The following PHF3 variants were observed in gnomAD, a reference collection of about 807,000 sequenced individuals.
The protein encoded by PHF3 is PHD finger protein 3.
A neutral mutation model predicts 178.4 loss-of-function variants in PHF3; 41 were observed. The ratio of observed to expected loss-of-function variants is 0.23; its 90% confidence interval spans 0.18 to 0.30. PHF3 has a LOEUF of 0.30. Ranked by LOEUF, PHF3 falls within the 10% of genes least tolerant of loss-of-function variation. The probability of loss-of-function intolerance (pLI) is 1.00; values close to 1 mark genes in which losing one functional copy is unlikely to be tolerated. For missense variants in PHF3, 2,346 were observed against 2,398.1 expected (o/e 0.98, Z 0.45); for synonymous variants, 842 against 800.5 (o/e 1.05, Z -0.88).
chr6:63,639,983 A>G (rs560761030), intron 1 of PHF3, among the ~76,000 whole-genome samples: 2 of 152,356 alleles, frequency 1.3e-5, no homozygotes, highest in Admixed American at 1.3e-4. Flanking sequence ...TGTGTTTGCC[A>G]GTTTCAACAT....
chr6:63,684,303 A>G lies in PHF3; in HGVS notation c.581A>G (p.His194Arg), dbSNP rs375092243. 18 of 1,613,916 alleles carry G rather than the reference A, an allele frequency of 1.1e-5. No individual in the cohort carries two copies. The African/African-American group carries it at 1.7e-4, about 16-fold the overall frequency. The stretch of plus-strand genomic sequence containing the variant: ...TGTATGTCACTGAAACCTGAGTACC[A>G]TAAGGAGAATAGAAGGTGCAGCCGA... The part of the protein sequence containing the change: ...EVCMSLKPEY[H>R]KENRRCSRNS... The change falls in exon 4 of 16, where the codon CAT becomes CGT. Residue 194 changes from histidine to arginine, a missense_variant. Coordinates refer to ENST00000262043, the MANE Select transcript of PHF3 (RefSeq NM_001370348.2).
intron 3 of PHF3, among the ~76,000 whole-genome samples, chr6:63,683,928 T>A (rs745657124): frequency 1.2e-4 from 18 of 152,092 alleles, no homozygotes; most frequent in Non-Finnish European, 2.4e-4. Flanking sequence ...CAGAGAACTT[T>A]GATAAATATA....
chr6:63,677,654 T>C (rs1766228517), intron 2 of PHF3, among the ~76,000 whole-genome samples: 1 of 152,166 alleles, frequency 6.6e-6, no homozygotes, highest in African/African-American at 2.4e-5. Context: ...GATGGTTCTT[T>C]TTTTCTCCTG....
chr6:63,681,030 C>T (rs1183047307), intron 3 of PHF3, among the ~76,000 whole-genome samples: 1 of 151,976 alleles, frequency 6.6e-6, no homozygotes, highest in African/African-American at 2.4e-5. Context: ...CTTTTTAAAC[C>T]TTGTATGTTT....
In PHF3 at chr6:63,687,958, C is replaced by T. The variant is rs562429302; in HGVS notation, c.2189+2047C>T. ...GAAACAATTATGGAAGCAGAATTTT[C>T]GATTACTTCAATTTTGTGAATTAAA... On this transcript the variant is annotated intron_variant, in intron 4 of 15. Coordinates refer to ENST00000262043, the MANE Select transcript of PHF3 (RefSeq NM_001370348.2). Among the ~76,000 whole-genome samples, 9 of 152,076 alleles carry T rather than the reference C, an allele frequency of 5.9e-5. No individual in the cohort carries two copies. In the East Asian group the frequency reaches 9.8e-4, roughly 16 times the overall value.
At chr6:63,647,726 A>C (rs1486986042) in intron 2 of PHF3, among the ~76,000 whole-genome samples, 1 of 152,210 alleles carries the variant, frequency 6.6e-6, no homozygotes, top group African/African-American at 2.4e-5. Flanking sequence ...AATGTATAAA[A>C]AACAGTTTTT....
At chr6:63,694,920 C>G (rs1440113416) in intron 6 of PHF3, among the ~76,000 whole-genome samples, 156 bp downstream of exon 6, 1 of 151,996 alleles carries the variant, frequency 6.6e-6, no homozygotes, top group African/African-American at 2.4e-5. Flanking sequence ...ATTGGCCTTA[C>G]TTGTAATTAA....
At chr6:63,689,541 AGAGT>A (rs1434075681) in intron 4 of PHF3, among the ~76,000 whole-genome samples, 1 of 152,136 alleles carries the variant, frequency 6.6e-6, no homozygotes, top group African/African-American at 2.4e-5. Flanking sequence ...TGATCTTAGA[AGAGT>A]GAGTCTTTTC....
chr6:63,680,698 A>C (rs984838660), intron 3 of PHF3, among the ~76,000 whole-genome samples: 3 of 152,046 alleles, frequency 2.0e-5, no homozygotes, highest in Middle Eastern at 3.2e-3. Context: ...TAGTGTGTAC[A>C]TACCAGCAGT....
Position 63,720,649 on chromosome 6 carries a change from T to C in PHF3, c.*6941T>C. On this transcript the variant is annotated 3_prime_UTR_variant, in exon 16 of 16. Coordinates refer to ENST00000262043, the MANE Select transcript of PHF3 (RefSeq NM_001370348.2). ...TCATAAACATTGTATCCTTCTAATT[T>C]AATTAGTTCAATGTTTTTTGGTTCC... 1 of 1,530,872 alleles carries C rather than the reference T, an allele frequency of 6.5e-7. No individual in the cohort carries two copies. The highest frequency in any genetic ancestry group is 8.8e-7 in the Non-Finnish European group (1 of 1,137,440). The allele number at this position is 1,530,872 out of a possible 1,614,324, so 94.8% of individuals were successfully genotyped here. A position where few individuals can be genotyped will look rare whatever the true frequency, so the allele number is the denominator to read the frequency against.
At chr6:63,705,958 A>G in intron 11 of PHF3, 71 bp from the exon 12 acceptor site, 2 of 1,201,094 alleles carry the variant, frequency 1.7e-6, no homozygotes, top group South Asian at 1.6e-5. Flanking sequence ...ATAACTTTAG[A>G]AAGTGAAAAT....
At position 63,721,798 on chromosome 6, in the gene PHF3, C is replaced by G; in HGVS notation, c.*8090C>G. 1 of 1,538,862 alleles carries G rather than the reference C, an allele frequency of 6.5e-7. No individual in the cohort carries two copies. The highest frequency in any genetic ancestry group is 8.8e-7 in the Non-Finnish European group (1 of 1,140,866). On this transcript the variant is annotated 3_prime_UTR_variant, in exon 16 of 16. Transcript: ENST00000262043. ...ACTAAAGAGATGCATAAAAAATCAC[C>G]TGCAAGAAAGCAAACAGTAAGTTTG...
At chr6:63,695,546 G>T (rs1443096465) in intron 6 of PHF3, among the ~76,000 whole-genome samples, 1 of 152,184 alleles carries the variant, frequency 6.6e-6, no homozygotes, top group African/African-American at 2.4e-5. Flanking sequence ...GACCTTTGGG[G>T]CTATGGCAGA....
At position 63,684,149 on chromosome 6, in the gene PHF3, C is replaced by A. The variant is rs768474977; in HGVS notation, c.427C>A (p.Gln143Lys). Residue 143 changes from glutamine (Q) to lysine (K), a missense_variant, in exon 4 of 16, where the codon CAG (glutamine) becomes AAG (lysine). Gln to Lys is a moderately conservative substitution (Grantham distance 53, BLOSUM62 1). This residue lies in a region of PHF3 where 843 missense variants were observed against 795.2 expected (regional missense o/e 1.06). Transcript: ENST00000262043. ...GATAGAACAAGTAAGAAGTTTGCGA[C>A]AGAGCACTATTGCCAAGCGTTCAAA... The part of the protein sequence containing the change: ...MAQEQVRSLR[Q>K]STIAKRSNAA... The A allele has an allele frequency of 6.2e-7, 1 of 1,606,710 alleles. No homozygotes were observed. Among genetic ancestry groups the A allele is most frequent in the East Asian group, 2.2e-5 (1 of 44,820 alleles).
intron 2 of PHF3, among the ~76,000 whole-genome samples, chr6:63,654,566 A>C (rs1250007097): frequency 6.6e-6 from 1 of 152,212 alleles, no homozygotes; most frequent in East Asian, 1.9e-4. Context: ...ATAGAATTAG[A>C]GCTGTAACTT....
At chr6:63,678,557 A>G (rs1335789598) in intron 2 of PHF3, among the ~76,000 whole-genome samples, 3 of 152,160 alleles carry the variant, frequency 2.0e-5, no homozygotes, top group Middle Eastern at 3.4e-3. Context: ...GATTACTGGT[A>G]TAATTTTCAT....
intron 3 of PHF3, among the ~76,000 whole-genome samples, 164 bp downstream of exon 3, chr6:63,680,325 TC>T (rs1160405037): frequency 2.0e-5 from 3 of 151,812 alleles, no homozygotes; most frequent in Non-Finnish European, 2.9e-5. Context: ...GTATAAGTTT[TC>T]AGTACCCACC....
At position 63,721,225 on chromosome 6, in the gene PHF3, T is replaced by C. The variant is rs1315748315; in HGVS notation, c.*7517T>C. The C allele has an allele frequency of 6.4e-7, 1 of 1,551,776 alleles. No homozygotes were observed. The highest frequency in any genetic ancestry group is 2.4e-5 in the East Asian group (1 of 40,910). ...ACCCAACCCAAAGTACACAGGCAACTGTAAGAAAATGATTGGTCAGGTATA... is the reference window on the plus strand; with the variant it reads ...ACCCAACCCAAAGTACACAGGCAACCGTAAGAAAATGATTGGTCAGGTATA... On this transcript the variant is annotated 3_prime_UTR_variant, in exon 16 of 16. Transcript: ENST00000262043.
Position 63,666,941 on chromosome 6 carries a change from A to G in PHF3, c.245-13059A>G, listed in dbSNP as rs191640853. Among the ~76,000 whole-genome samples, 620 of 152,148 alleles carry G rather than the reference A, an allele frequency of 4.1e-3. 7 individuals carry two copies. The highest frequency in any genetic ancestry group is 0.014 in the African/African-American group (597 of 41,516). ...TAGTTTTTGTATTTTTAGTAGAGAC[A>G]GCATTTCACCGTGTTTGCCAGGCTG... On this transcript the variant is annotated intron_variant, in intron 2 of 15. Transcript: ENST00000262043.
Sources: gnomAD v4.1 joint callset for allele counts (sites outside exome capture counted in the v4.1 genomes callset) on GRCh38, gnomAD v4.1.1 for gene constraint, gnomAD v4.1.1 regional missense constraint, MANE v1.5 for transcripts, NCBI Gene and HGNC (gene_info 2026-07-23, HGNC 2026-07-21) for gene names.